Variants in DLEU7 observed in about 807,000 individuals in gnomAD.
DLEU7 encodes the protein leukemia-associated protein 7.
In DLEU7, 17 loss-of-function variants were observed where a neutral mutation model predicts 16.0. The observed-to-expected ratio is 1.06, with a 90% CI of 0.73 to 1.59. The LOEUF (loss-of-function observed/expected upper bound fraction) is 1.59, where lower values mean the gene tolerates loss of function less well. Ranked by LOEUF, DLEU7 falls within the 40% of genes most tolerant of loss-of-function variation. The pLI is 0.00. For missense variants in DLEU7, 308 were observed against 314.9 expected (o/e 0.98, Z 0.17); for synonymous variants, 113 against 139.8 (o/e 0.81, Z 1.35).
intron 1 of DLEU7, among the ~76,000 whole-genome samples, chr13:50,721,026 G>C (rs534600012): frequency 6.6e-6 from 1 of 152,340 alleles, no homozygotes; most frequent in African/African-American, 2.4e-5. Flanking sequence ...ATCTGAGTCA[G>C]TGGACTGGGA....
intron 1 of DLEU7, among the ~76,000 whole-genome samples, chr13:50,836,129 A>T (rs1877452123): frequency 6.6e-6 from 1 of 152,224 alleles, no homozygotes; most frequent in Non-Finnish European, 1.5e-5. Context: ...CTTAACCACC[A>T]GCTCTACAAC....
At chr13:50,800,302 G>A (rs1303818631) in intron 1 of DLEU7, among the ~76,000 whole-genome samples, 2 of 152,272 alleles carry the variant, frequency 1.3e-5, no homozygotes, top group East Asian at 3.9e-4. Context: ...GGTTGACTGA[G>A]TGTAAAAAAT....
intron 1 of DLEU7, among the ~76,000 whole-genome samples, chr13:50,778,230 G>A (rs1433192725): frequency 2.0e-5 from 3 of 152,078 alleles, no homozygotes; most frequent in Non-Finnish European, 4.4e-5. Context: ...GGGGGAACTG[G>A]CACACAGTTT....
intron 1 of DLEU7, among the ~76,000 whole-genome samples, chr13:50,763,232 T>A (rs1232067462): frequency 6.6e-6 from 1 of 152,114 alleles, no homozygotes; most frequent in Non-Finnish European, 1.5e-5. Flanking sequence ...TCCCATTCAT[T>A]GTAATAAGGA....
chr13:50,755,132 C>T (rs559614858), intron 1 of DLEU7, among the ~76,000 whole-genome samples: 3 of 152,274 alleles, frequency 2.0e-5, no homozygotes, highest in South Asian at 4.1e-4. Context: ...TTCCTTCCTT[C>T]GTCTTAACTT....
At chr13:50,740,011 G>A (rs1874206986) in intron 1 of DLEU7, among the ~76,000 whole-genome samples, 2 of 151,994 alleles carry the variant, frequency 1.3e-5, no homozygotes, top group Admixed American at 6.6e-5. Flanking sequence ...CCTTGTTGTC[G>A]AGACCACACA....
intron 1 of DLEU7, among the ~76,000 whole-genome samples, chr13:50,783,112 T>G (rs2137767000): frequency 6.6e-6 from 1 of 150,486 alleles, no homozygotes; most frequent in Non-Finnish European, 1.5e-5. Context: ...CTCAGTCTCC[T>G]TATCTCCGGT....
intron 1 of DLEU7, among the ~76,000 whole-genome samples, chr13:50,826,499 C>A (rs1877091490): frequency 6.6e-6 from 1 of 151,672 alleles, no homozygotes; most frequent in African/African-American, 2.4e-5. Flanking sequence ...GAAAAAAATA[C>A]CTTAGAATGC....
At chr13:50,756,955 T>C (rs967297410) in intron 1 of DLEU7, among the ~76,000 whole-genome samples, 12 of 152,148 alleles carry the variant, frequency 7.9e-5, no homozygotes, top group Non-Finnish European at 1.5e-4. Flanking sequence ...CCAGGTAAGG[T>C]TGGAAACTTC....
At chr13:50,748,835 T>C (rs1031845382) in intron 1 of DLEU7, among the ~76,000 whole-genome samples, 6 of 152,214 alleles carry the variant, frequency 3.9e-5, no homozygotes, top group Non-Finnish European at 8.8e-5. Context: ...TGATTGTCTA[T>C]GCTTCATGAG....
Position 50,843,032 on chromosome 13 carries a change from G to A in DLEU7, c.459+156C>T, listed in dbSNP as rs1260373387. 6.6e-6 allele frequency among the ~76,000 whole-genome samples: 1 copy of A among 152,148 alleles called. No homozygotes were observed. Among genetic ancestry groups the A allele is most frequent in the Non-Finnish European group, 1.5e-5 (1 of 68,000 alleles). On this transcript the variant is annotated intron_variant, in intron 1 of 1. Transcript: ENST00000504404. This position sits in a 1 kb window ranked among gnomAD's most constrained non-coding sequence, Gnocchi z 5.7. ...GCCCCTCCTGCTGAGTCCCCAGAGTGTCCCCCGCCCCCTTCCTTCTCCCAC... is the reference window on the plus strand; with the variant it reads ...GCCCCTCCTGCTGAGTCCCCAGAGTATCCCCCGCCCCCTTCCTTCTCCCAC...
At chr13:50,838,733 T>C (rs535793290) in intron 1 of DLEU7, among the ~76,000 whole-genome samples, 27 of 152,288 alleles carry the variant, frequency 1.8e-4, no homozygotes, top group African/African-American at 6.0e-4. Context: ...TGTGACTGTA[T>C]TTGGAGATAT....
intron 1 of DLEU7, among the ~76,000 whole-genome samples, chr13:50,789,212 A>T (rs186797792): frequency 6.6e-6 from 1 of 151,278 alleles, no homozygotes; most frequent in Admixed American, 6.6e-5. Flanking sequence ...CTCCAGTTGC[A>T]ACCAGGAAAG....
At chr13:50,730,581 T>C (rs1873886611) in intron 1 of DLEU7, among the ~76,000 whole-genome samples, 1 of 152,154 alleles carries the variant, frequency 6.6e-6, no homozygotes, top group Non-Finnish European at 1.5e-5. Context: ...CTGGTGAATA[T>C]TTCCTTGAAC....
chr13:50,772,998 C>G (rs9568472), intron 1 of DLEU7, among the ~76,000 whole-genome samples: 1 of 152,036 alleles, frequency 6.6e-6, no homozygotes, highest in East Asian at 1.9e-4. Context: ...CTTCTCTTCT[C>G]GCTTCATTTC....
At chr13:50,837,729 C>CT (rs934756220) in intron 1 of DLEU7, among the ~76,000 whole-genome samples, 1 of 152,024 alleles carries the variant, frequency 6.6e-6, no homozygotes, top group Admixed American at 6.6e-5. Flanking sequence ...ATGATGAGTG[C>CT]TTTTTTCGCC....
At chr13:50,795,777 G>A (rs1876093170) in intron 1 of DLEU7, among the ~76,000 whole-genome samples, 1 of 152,076 alleles carries the variant, frequency 6.6e-6, no homozygotes, top group African/African-American at 2.4e-5. Flanking sequence ...ATAGCAAACT[G>A]CAGAATTGAG....
At chr13:50,836,920 G>A (rs377477361) in intron 1 of DLEU7, among the ~76,000 whole-genome samples, 4 of 152,212 alleles carry the variant, frequency 2.6e-5, no homozygotes, top group African/African-American at 9.6e-5. Context: ...GGATGTTGTG[G>A]AAAACATACT....
intron 1 of DLEU7, chr13:50,839,882 G>C (rs1877589224): frequency 6.6e-6 from 1 of 152,182 alleles, no homozygotes; most frequent in African/African-American, 2.4e-5. Flanking sequence ...CTTTAGGTTA[G>C]ATACCATTGT....
Sources: gnomAD v4.1 joint callset for allele counts (sites outside exome capture counted in the v4.1 genomes callset) on GRCh38, gnomAD v4.1.1 for gene constraint, Gnocchi (gnomAD v3.1) non-coding constraint, MANE v1.5 for transcripts, NCBI Gene and HGNC (gene_info 2026-07-23, HGNC 2026-07-21) for gene names.